Variants in CPNE8 observed in about 807,000 individuals in gnomAD.
CPNE8 encodes copine 8.
Under a neutral mutation model 81.5 loss-of-function variants are expected in CPNE8, and 45 were observed. The observed-to-expected ratio is 0.55, with a 90% CI of 0.44 to 0.71. The LOEUF is 0.71. Among genes scored for constraint, CPNE8 ranks in the 30% least tolerant of loss-of-function variants. The pLI is 0.00. For synonymous variants in CPNE8, 252 were observed against 226.3 expected (o/e 1.11, Z -1.02); for missense variants, 594 against 672.1 (o/e 0.88, Z 1.28).
At chr12:38,691,608 A>G (rs548034356) in intron 15 of CPNE8, among the ~76,000 whole-genome samples, 7 of 152,056 alleles carry the variant, frequency 4.6e-5, no homozygotes, top group African/African-American at 1.4e-4. Context: ...TTCATCATCA[A>G]TGTGGGAGAC....
intron 5 of CPNE8, among the ~76,000 whole-genome samples, chr12:38,839,403 C>T (rs1019298648): frequency 5.3e-5 from 8 of 151,924 alleles, no homozygotes; most frequent in African/African-American, 1.4e-4. Context: ...AAAAAGAAAA[C>T]AAAACTATAA....
intron 10 of CPNE8, among the ~76,000 whole-genome samples, chr12:38,755,754 G>A (rs1041082364): frequency 4.6e-5 from 7 of 151,884 alleles, no homozygotes; most frequent in African/African-American, 1.7e-4. Context: ...AAAAGAACAG[G>A]TAACGGCCGG....
chr12:38,774,881 A>G (rs796945664), intron 7 of CPNE8, among the ~76,000 whole-genome samples: 1 of 152,162 alleles, frequency 6.6e-6, no homozygotes, highest in South Asian at 2.1e-4. Context: ...AAAGGCTTCA[A>G]TTTACATGTT....
chr12:38,721,389 C>T (rs1479064527), intron 13 of CPNE8, among the ~76,000 whole-genome samples: 1 of 152,006 alleles, frequency 6.6e-6, no homozygotes, highest in Non-Finnish European at 1.5e-5. Context: ...GATAGGACAA[C>T]CTGCCTGCAG....
intron 10 of CPNE8, among the ~76,000 whole-genome samples, chr12:38,746,154 A>T (rs996375439): frequency 6.6e-6 from 1 of 152,198 alleles, no homozygotes; most frequent in Admixed American, 6.5e-5. Context: ...GGAGATGACA[A>T]TGTCATCACA....
intron 10 of CPNE8, among the ~76,000 whole-genome samples, chr12:38,755,938 G>A (rs2136835529): frequency 6.7e-6 from 1 of 149,826 alleles, no homozygotes; most frequent in Non-Finnish European, 1.5e-5. Context: ...TACTCGGGAG[G>A]CTGAGGCAGG....
At chr12:38,743,556 A>T (rs913715530) in intron 10 of CPNE8, among the ~76,000 whole-genome samples, 1 of 152,124 alleles carries the variant, frequency 6.6e-6, no homozygotes, top group Non-Finnish European at 1.5e-5. Context: ...ACAATTACAT[A>T]TATATTTTAA....
chr12:38,664,722 T>A (rs1428366347), intron 19 of CPNE8, among the ~76,000 whole-genome samples: 2 of 152,104 alleles, frequency 1.3e-5, no homozygotes, highest in African/African-American at 4.8e-5. Flanking sequence ...ATACACACAG[T>A]TCTACTCTTC....
Position 38,653,890 on chromosome 12 carries a change from G to A in CPNE8, c.1687C>T (p.Gln563Ter), listed in dbSNP as rs1391278473. 6.2e-7 allele frequency: 1 copy of A among 1,611,946 alleles called. No individual in the cohort carries two copies. Among genetic ancestry groups the A allele is most frequent in the Non-Finnish European group, 8.5e-7 (1 of 1,179,460 alleles). ...YTPPTHVLQT[Q>*]I ...AGCATTTCAGAGCACAGTCATATTT[G>A]AGTCTGTAACACATGTGTAGGTGGG... Residue 563 changes from glutamine to a stop codon, truncating the protein, a stop_gained, in exon 20 of 20, where the codon CAA (glutamine) becomes TAA (stop). Transcript: ENST00000331366. LOFTEE classifies it high-confidence loss of function.
intron 6 of CPNE8, among the ~76,000 whole-genome samples, chr12:38,808,287 T>C (rs933663977): frequency 2.6e-5 from 4 of 152,074 alleles, no homozygotes; most frequent in Non-Finnish European, 5.9e-5. Flanking sequence ...CATGCTGCTA[T>C]AAAGACACAT....
chr12:38,872,685 T>G (rs894440140), intron 3 of CPNE8, among the ~76,000 whole-genome samples: 2 of 152,170 alleles, frequency 1.3e-5, no homozygotes, highest in Non-Finnish European at 2.9e-5. Flanking sequence ...CAGCAATTGA[T>G]CTCTAAAAAT....
At chr12:38,894,125 T>A (rs12424853) in intron 1 of CPNE8, among the ~76,000 whole-genome samples, 6 of 152,072 alleles carry the variant, frequency 3.9e-5, no homozygotes. Context: ...TCCAGTGAAG[T>A]GGCATGATTG....
chr12:38,800,955 GA>G (rs1178838813), intron 6 of CPNE8, among the ~76,000 whole-genome samples: 1 of 146,024 alleles, frequency 6.8e-6, no homozygotes, highest in Non-Finnish European at 1.5e-5. Context: ...GAAGTTTAGA[GA>G]AAAAAGAATA....
chr12:38,660,289 A>G (rs1348824562), intron 19 of CPNE8, among the ~76,000 whole-genome samples: 1 of 152,166 alleles, frequency 6.6e-6, no homozygotes, highest in African/African-American at 2.4e-5. Flanking sequence ...GGAACAGAAC[A>G]GAGGCCTCAG....
intron 10 of CPNE8, among the ~76,000 whole-genome samples, chr12:38,741,250 C>A (rs1402387282): frequency 6.6e-6 from 1 of 152,160 alleles, no homozygotes; most frequent in Non-Finnish European, 1.5e-5. Flanking sequence ...AAGAACAAAG[C>A]TGGAGGCATC....
intron 6 of CPNE8, among the ~76,000 whole-genome samples, chr12:38,805,581 C>T (rs1942777303): frequency 9.7e-6 from 1 of 102,886 alleles, no homozygotes; most frequent in Non-Finnish European, 2.0e-5. Flanking sequence ...TTAGTGGGTG[C>T]AGCGCACCAG....
intron 7 of CPNE8, among the ~76,000 whole-genome samples, chr12:38,771,720 G>C (rs1941808348): frequency 6.6e-6 from 1 of 152,014 alleles, no homozygotes; most frequent in South Asian, 2.1e-4. Context: ...CCCATTTTTA[G>C]AAGAAAACAT....
chr12:38,815,482 G>T (rs1943010105), intron 6 of CPNE8, among the ~76,000 whole-genome samples: 1 of 152,162 alleles, frequency 6.6e-6, no homozygotes, highest in Non-Finnish European at 1.5e-5. Context: ...TGCAAGTACA[G>T]TTTAAAACTA....
intron 7 of CPNE8, among the ~76,000 whole-genome samples, chr12:38,768,762 C>T (rs1453049711): frequency 6.6e-6 from 1 of 152,020 alleles, no homozygotes; most frequent in Non-Finnish European, 1.5e-5. Context: ...CTCCTGACCT[C>T]GTGATCCGCC....
Sources: gnomAD v4.1 joint callset for allele counts (sites outside exome capture counted in the v4.1 genomes callset) on GRCh38, gnomAD v4.1.1 for gene constraint, MANE v1.5 for transcripts, NCBI Gene and HGNC (gene_info 2026-07-23, HGNC 2026-07-21) for gene names.